The following ELFN2 variants were observed in gnomAD, a reference collection of about 807,000 sequenced individuals.
The protein encoded by ELFN2 is protein phosphatase 1 regulatory subunit 29.
In ELFN2, 17 loss-of-function variants were observed where a neutral mutation model predicts 45.5. The ratio of observed to expected loss-of-function variants is 0.37; its 90% confidence interval spans 0.26 to 0.56. ELFN2 has a LOEUF of 0.56. ELFN2 is among the 20% of genes least tolerant of loss of function. The pLI is 0.77. For synonymous variants in ELFN2, 550 were observed against 551.5 expected, an observed-to-expected ratio of 1.00 and a Z score of 0.04; for missense variants, 922 against 1,183.2, an observed-to-expected ratio of 0.78 and a Z score of 3.24.
chr22:37,416,872 A>G (rs9610749), intron 2 of ELFN2, among the ~76,000 whole-genome samples: 59,684 of 151,748 alleles, frequency 0.39, 12,625 homozygotes, highest in East Asian at 0.66. Flanking sequence ...GGGACCTCCA[A>G]CACCTGGACA....
chr22:37,361,829 TC>T (rs1438418629), intron 1 of ELFN2, among the ~76,000 whole-genome samples: 1 of 152,166 alleles, frequency 6.6e-6, no homozygotes, highest in Non-Finnish European at 1.5e-5. Flanking sequence ...ATTCCTGGCC[TC>T]CCTAAATGTG....
chr22:37,367,136 C>T (rs1234222908), downstream of ELFN2, among the ~76,000 whole-genome samples: 6 of 152,190 alleles, frequency 3.9e-5, no homozygotes, highest in Non-Finnish European at 7.4e-5. Flanking sequence ...AGTTTCGTAG[C>T]AATTGGAGAA....
chr22:37,390,827 T>C (rs983031326), intron 2 of ELFN2, among the ~76,000 whole-genome samples: 2 of 152,086 alleles, frequency 1.3e-5, no homozygotes, highest in Non-Finnish European at 2.9e-5. Flanking sequence ...AGAAGGTTCT[T>C]TACCCAGCAA....
chr22:37,413,524 T>C (rs1018402938), intron 2 of ELFN2, among the ~76,000 whole-genome samples: 1 of 149,912 alleles, frequency 6.7e-6, no homozygotes, highest in African/African-American at 2.5e-5. Flanking sequence ...GAGCCATGAC[T>C]GCACCACTGC....
chr22:37,411,383 G>A (rs754761728), intron 2 of ELFN2, among the ~76,000 whole-genome samples: 12 of 140,134 alleles, frequency 8.6e-5, no homozygotes, highest in Admixed American at 2.1e-4. Context: ...CTCTGTAGCC[G>A]GTCTCTTCCC....
At chr22:37,345,761 T>C (rs1485239364) in intron 1 of ELFN2, among the ~76,000 whole-genome samples, 1 of 152,180 alleles carries the variant, frequency 6.6e-6, no homozygotes, top group East Asian at 1.9e-4. Flanking sequence ...TTGGCCAGGA[T>C]GGTCTTGATC....
At chr22:37,354,433 A>G (rs1930900099) in intron 1 of ELFN2, 1 of 152,254 alleles carries the variant, frequency 6.6e-6, no homozygotes, top group Non-Finnish European at 1.5e-5. Context: ...GAAGGTATTT[A>G]GAGTAAAAGG....
intron 2 of ELFN2, among the ~76,000 whole-genome samples, chr22:37,400,793 C>T (rs1393152145): frequency 6.6e-6 from 1 of 152,254 alleles, no homozygotes; most frequent in Non-Finnish European, 1.5e-5. Context: ...CCTGCCTTGC[C>T]TTCTTGTAGA....
At chr22:37,394,995 C>T (rs958836096) in intron 2 of ELFN2, among the ~76,000 whole-genome samples, 2 of 151,918 alleles carry the variant, frequency 1.3e-5, no homozygotes, top group African/African-American at 2.4e-5. Context: ...CCCAGCTACT[C>T]GGGAGGCTGA....
intron 2 of ELFN2, among the ~76,000 whole-genome samples, chr22:37,386,978 A>G (rs1334449934): frequency 6.6e-6 from 1 of 152,238 alleles, no homozygotes; most frequent in African/African-American, 2.4e-5. Flanking sequence ...GGATGGCCAC[A>G]GGCCAGGGTC....
intron 2 of ELFN2, among the ~76,000 whole-genome samples, chr22:37,416,973 C>T (rs1296670376): frequency 6.6e-6 from 1 of 152,146 alleles, no homozygotes; most frequent in East Asian, 1.9e-4. Context: ...AGCCAGCCAG[C>T]CTCCTTTCTC....
chr22:37,376,645 TG>T (rs1931593680), intron 2 of ELFN2, among the ~76,000 whole-genome samples: 1 of 152,104 alleles, frequency 6.6e-6, no homozygotes. Context: ...ATCGCAGCTG[TG>T]GGGCCCCCCA....
At chr22:37,405,661 C>G (rs959034967) in intron 2 of ELFN2, among the ~76,000 whole-genome samples, 1 of 152,066 alleles carries the variant, frequency 6.6e-6, no homozygotes, top group Non-Finnish European at 1.5e-5. Flanking sequence ...AACTGACCAC[C>G]ACGTGATCGC....
intron 2 of ELFN2, among the ~76,000 whole-genome samples, chr22:37,403,526 C>T (rs752709438): frequency 2.2e-4 from 34 of 152,200 alleles, no homozygotes; most frequent in Non-Finnish European, 3.8e-4. Flanking sequence ...GCTGGATGGG[C>T]GGTTTGGGCT....
intron 2 of ELFN2, among the ~76,000 whole-genome samples, chr22:37,398,523 C>A (rs980832497): frequency 2.0e-5 from 3 of 151,328 alleles, no homozygotes; most frequent in Non-Finnish European, 2.9e-5. Context: ...AGTCTCCTAA[C>A]TGACTGTCGC....
Position 37,375,289 on chromosome 22 carries a change from G to A in ELFN2, c.246C>T (p.Thr82=), listed in dbSNP as rs935516555. The A allele has an allele frequency of 1.7e-5, 28 of 1,614,004 alleles. No individual in the cohort carries two copies. Among genetic ancestry groups the A allele is most frequent in the Admixed American group, 8.3e-5 (5 of 59,996 alleles). ...TCTCGTTCTTGGTGAGGTTGAGGTC[G>A]GTGAGGTTCCCAAAGCGGTTGAGCG... ...YSSLNRFGNL[T]DLNLTKNEIS... The change falls in exon 3 of 3, where the codon ACC becomes ACT. Residue 82 remains threonine (T), a synonymous_variant. Coordinates refer to ENST00000402918, the MANE Select transcript of ELFN2 (RefSeq NM_052906.5).
chr22:37,350,267 C>A (rs975629099), intron 1 of ELFN2, among the ~76,000 whole-genome samples: 1 of 150,434 alleles, frequency 6.6e-6, no homozygotes, highest in Admixed American at 6.6e-5. Context: ...ATGGCAAGAA[C>A]GGGTGGGAGC....
At chr22:37,380,818 G>A (rs1036177722) in intron 2 of ELFN2, among the ~76,000 whole-genome samples, 11 of 152,154 alleles carry the variant, frequency 7.2e-5, no homozygotes, top group South Asian at 2.1e-4. Flanking sequence ...GCCACCCCCC[G>A]GGGAAGAGAC....
Position 37,352,859 on chromosome 22 carries a change from C to T in ELFN2, n.149-10156G>A, listed in dbSNP as rs188770836. 3.0e-4 allele frequency among the ~76,000 whole-genome samples: 45 copies of T among 150,982 alleles called. 1 individual carries two copies. In the East Asian group the frequency reaches 6.4e-3, roughly 21 times the overall value. On this transcript the variant is annotated intron_variant and non_coding_transcript_variant, in intron 1 of 2. Coordinates refer to ENST00000452946, the Ensembl canonical transcript of ELFN2. The stretch of plus-strand genomic sequence containing the variant: ...TGTGGGAGAAATGCACTCTGATGTT[C>T]GTTTTTAACGATCTTGCTACTTCTG...
Sources: allele counts gnomAD v4.1 joint callset (sites outside exome capture counted in the v4.1 genomes callset), GRCh38; gene constraint gnomAD v4.1.1; transcripts MANE v1.5; gene names NCBI Gene and HGNC (gene_info 2026-07-23, HGNC 2026-07-21).